Variants in HMBOX1 observed in about 807,000 individuals in gnomAD.
HMBOX1 encodes the protein homeobox-containing protein 1.
In HMBOX1, 14 loss-of-function variants were observed where a neutral mutation model predicts 54.5. The ratio of observed to expected loss-of-function variants is 0.26; its 90% CI spans 0.17 to 0.40. The LOEUF (loss-of-function observed/expected upper bound fraction) is 0.40. Ranked by LOEUF, HMBOX1 falls within the 10% of genes least tolerant of loss-of-function variation. HMBOX1 has a pLI of 1.00. For synonymous variants in HMBOX1, 160 were observed against 181.0 expected (o/e 0.88, Z 0.93); for missense variants, 332 against 514.4 (o/e 0.65, Z 3.43).
At chr8:29,007,430 A>C (rs969650902) in intron 4 of HMBOX1, among the ~76,000 whole-genome samples, 3 of 152,224 alleles carry the variant, frequency 2.0e-5, no homozygotes, top group Non-Finnish European at 2.9e-5. Flanking sequence ...CATTACATGA[A>C]TCTTTAGTCC....
intron 1 of HMBOX1, among the ~76,000 whole-genome samples, chr8:28,904,117 C>T (rs193178182): frequency 6.6e-6 from 1 of 152,156 alleles, no homozygotes; most frequent in Non-Finnish European, 1.5e-5. Context: ...CACTCTACAT[C>T]AGTTTTTCAT....
intron 4 of HMBOX1, among the ~76,000 whole-genome samples, chr8:28,991,816 T>C (rs1025116537): frequency 6.6e-5 from 10 of 152,332 alleles, no homozygotes; most frequent in African/African-American, 2.4e-4. Context: ...CCAAGTGAGT[T>C]ATAGATGGCC....
chr8:28,914,777 TCTA>T (rs1185877851), intron 1 of HMBOX1, among the ~76,000 whole-genome samples: 2 of 152,240 alleles, frequency 1.3e-5, no homozygotes, highest in Non-Finnish European at 2.9e-5. Flanking sequence ...TAGAATATAT[TCTA>T]CTTTATTTGA....
chr8:29,038,673 T>A (rs1804320460), intron 6 of HMBOX1, among the ~76,000 whole-genome samples: 1 of 152,206 alleles, frequency 6.6e-6, no homozygotes. Flanking sequence ...ATCTCTTGAA[T>A]CTCACCTTTC....
At position 29,053,099 on chromosome 8, in the gene HMBOX1, T is replaced by C. The variant is rs1416719511; in HGVS notation, c.*1944T>C. 6.6e-6 allele frequency: 1 copy of C among 152,608 alleles called. No homozygotes were observed. Among genetic ancestry groups the C allele is most frequent in the Non-Finnish European group, 1.5e-5 (1 of 68,032 alleles). The allele number at this position is 152,608 out of a possible 1,614,324, so 9.5% of individuals were successfully genotyped here. On this transcript the variant is annotated 3_prime_UTR_variant, in exon 10 of 10. Transcript: ENST00000287701. ...ACACGCTGACTGCATCATTTCCTTA[T>C]CTGTTAATCCTGCTTATGTGAGTGT...
chr8:28,916,711 G>A (rs187747465), intron 1 of HMBOX1, among the ~76,000 whole-genome samples: 8 of 151,012 alleles, frequency 5.3e-5, no homozygotes, highest in African/African-American at 1.5e-4. Flanking sequence ...TCTTCATTAC[G>A]GTATTGTAAG....
chr8:28,962,270 C>A (rs1479892086), intron 1 of HMBOX1, among the ~76,000 whole-genome samples: 1 of 151,960 alleles, frequency 6.6e-6, no homozygotes, highest in Non-Finnish European at 1.5e-5. Context: ...TATTTTAAGC[C>A]CATTTATGTC....
At chr8:29,029,857 A>G (rs1048782844) in intron 6 of HMBOX1, among the ~76,000 whole-genome samples, 1 of 152,162 alleles carries the variant, frequency 6.6e-6, no homozygotes, top group Admixed American at 6.5e-5. Flanking sequence ...GAGGAAGACA[A>G]AAGTCCTTAT....
chr8:28,918,251 T>G, intron 1 of HMBOX1, among the ~76,000 whole-genome samples: 1 of 152,226 alleles, frequency 6.6e-6, no homozygotes, highest in Non-Finnish European at 1.5e-5. Flanking sequence ...TCGCCCTGGC[T>G]GGAGTGCAGT....
intron 1 of HMBOX1, among the ~76,000 whole-genome samples, chr8:28,907,116 T>A (rs1035625462): frequency 6.6e-6 from 1 of 152,244 alleles, no homozygotes; most frequent in Non-Finnish European, 1.5e-5. Context: ...TCCAAATGAA[T>A]CGTCTATATA....
intron 1 of HMBOX1, among the ~76,000 whole-genome samples, chr8:28,950,325 G>A (rs970329214): frequency 6.6e-6 from 1 of 152,172 alleles, no homozygotes; most frequent in African/African-American, 2.4e-5. Context: ...AGACTTACAT[G>A]TGATTCTGAT....
rs1806568519 is a variant in HMBOX1 at position 29,052,865 on chromosome 8, G to A, written c.*1710G>A. The A allele has an allele frequency of 2.0e-5, 3 of 152,126 alleles. No individual in the cohort carries two copies. The highest frequency in any genetic ancestry group is 2.4e-5 in the African/African-American group (1 of 41,398). 9.4% of individuals were successfully genotyped at this position (152,126 alleles called of 1,614,324 possible). On this transcript the variant is annotated 3_prime_UTR_variant, in exon 10 of 10. Coordinates refer to ENST00000287701, the MANE Select transcript of HMBOX1 (RefSeq NM_001135726.3). ...GCATGTGGGGCTGGATGTTAAGCACGGCTTCTTTTTGTCCGTTACCTGAAA... is the reference window on the plus strand; with the variant it reads ...GCATGTGGGGCTGGATGTTAAGCACAGCTTCTTTTTGTCCGTTACCTGAAA...
intron 1 of HMBOX1, among the ~76,000 whole-genome samples, chr8:28,900,494 G>A (rs1813047721): frequency 6.6e-6 from 1 of 151,736 alleles, no homozygotes; most frequent in Non-Finnish European, 1.5e-5. Context: ...AATTGGGAGT[G>A]TTTCTTTCCT....
intron 4 of HMBOX1, among the ~76,000 whole-genome samples, chr8:28,999,741 T>C (rs957978031): frequency 7.2e-5 from 11 of 152,274 alleles, no homozygotes; most frequent in African/African-American, 2.6e-4. Flanking sequence ...GTTCTTATAA[T>C]TTTTGTCTGT....
At chr8:29,002,992 TTC>T (rs1308089398) in intron 4 of HMBOX1, among the ~76,000 whole-genome samples, 1 of 152,162 alleles carries the variant, frequency 6.6e-6, no homozygotes, top group Non-Finnish European at 1.5e-5. Context: ...AAGTCAGACT[TTC>T]AAAACAGTTT....
intron 1 of HMBOX1, among the ~76,000 whole-genome samples, chr8:28,900,000 C>T (rs1356239407): frequency 1.3e-5 from 2 of 151,954 alleles, no homozygotes; most frequent in African/African-American, 4.8e-5. Context: ...CCTGTAATCC[C>T]AGCACTTTGG....
intron 6 of HMBOX1, among the ~76,000 whole-genome samples, chr8:29,036,233 TTA>T (rs1318882640): frequency 5.9e-5 from 9 of 152,314 alleles, no homozygotes; most frequent in Middle Eastern, 3.4e-3. Flanking sequence ...AAGAAAAACT[TTA>T]TGTTAGGGCA....
At chr8:28,928,523 A>G (rs1029178584) in intron 1 of HMBOX1, among the ~76,000 whole-genome samples, 2 of 152,222 alleles carry the variant, frequency 1.3e-5, no homozygotes, top group African/African-American at 4.8e-5. Context: ...TTGTGGTTAT[A>G]TATCCAGAGG....
intron 1 of HMBOX1, among the ~76,000 whole-genome samples, chr8:28,925,044 T>C (rs1015389742): frequency 2.0e-5 from 3 of 151,912 alleles, no homozygotes; most frequent in African/African-American, 7.3e-5. Flanking sequence ...TGATAAACTA[T>C]GGCCTAAAGC....
Sources: allele counts gnomAD v4.1 joint callset (sites outside exome capture counted in the v4.1 genomes callset), GRCh38; gene constraint gnomAD v4.1.1; transcripts MANE v1.5; gene names NCBI Gene and HGNC (gene_info 2026-07-23, HGNC 2026-07-21).